The following RPS6KC1 variants were observed in gnomAD, a reference collection of about 807,000 sequenced individuals.
RPS6KC1 encodes inactive ribosomal protein S6 kinase delta-1.
In RPS6KC1, 54 loss-of-function variants were observed where a neutral mutation model predicts 103.8. That is an observed-to-expected ratio of 0.52 (90% CI 0.42 to 0.65). RPS6KC1 has a LOEUF of 0.65. Ranked by LOEUF, RPS6KC1 falls within the 30% of genes least tolerant of loss-of-function variation. The pLI is 0.00. For synonymous variants in RPS6KC1, 439 were observed against 438.7 expected, an observed-to-expected ratio of 1.00 and a Z score of -0.01; for missense variants, 1,151 against 1,253.8, an observed-to-expected ratio of 0.92 and a Z score of 1.24.
the RPS6KC1 span, among the ~76,000 whole-genome samples, chr1:213,588,586 A>C: frequency 6.6e-6 from 1 of 152,228 alleles, no homozygotes; most frequent in African/African-American, 2.4e-5. Context: ...GGCGTGAGAC[A>C]CCATGCCCGG....
At chr1:213,098,097 C>T (rs1197380780) in intron 3 of RPS6KC1, among the ~76,000 whole-genome samples, 2 of 152,124 alleles carry the variant, frequency 1.3e-5, no homozygotes, top group Non-Finnish European at 2.9e-5. Context: ...TGCAAGAGGC[C>T]TAACTTTCAA....
chr1:213,643,163 A>G, the RPS6KC1 span, among the ~76,000 whole-genome samples: 3 of 152,052 alleles, frequency 2.0e-5, no homozygotes, highest in African/African-American at 7.2e-5. Context: ...GGCATTTAAT[A>G]TTCTTTCATA....
the RPS6KC1 span, among the ~76,000 whole-genome samples, chr1:213,668,862 A>C: frequency 6.6e-6 from 1 of 152,168 alleles, no homozygotes; most frequent in Non-Finnish European, 1.5e-5. Flanking sequence ...AAGACAGCTT[A>C]TTTCCTTAAC....
At chr1:213,821,722 C>G in the RPS6KC1 span, 1 of 152,230 alleles carries the variant, frequency 6.6e-6, no homozygotes, top group Non-Finnish European at 1.5e-5. Flanking sequence ...TCCAGCTGTT[C>G]CCTCCAGGGC....
At chr1:213,508,161 A>T in the RPS6KC1 span, among the ~76,000 whole-genome samples, 4 of 152,150 alleles carry the variant, frequency 2.6e-5, no homozygotes, top group African/African-American at 9.7e-5. Flanking sequence ...AAATCTATTA[A>T]ATTTTTCATT....
At chr1:213,609,519 A>C in the RPS6KC1 span, among the ~76,000 whole-genome samples, 3 of 152,218 alleles carry the variant, frequency 2.0e-5, no homozygotes, top group South Asian at 6.2e-4. Context: ...CAACAGCACA[A>C]TCACCCTCAC....
At chr1:213,141,257 T>G (rs1210070974) in intron 6 of RPS6KC1, among the ~76,000 whole-genome samples, 1 of 151,994 alleles carries the variant, frequency 6.6e-6, no homozygotes, top group African/African-American at 2.4e-5. Flanking sequence ...TCCAGGGCCT[T>G]CTGTTTGGTA....
chr1:213,523,985 G>A, the RPS6KC1 span, among the ~76,000 whole-genome samples: 1 of 152,110 alleles, frequency 6.6e-6, no homozygotes, highest in Non-Finnish European at 1.5e-5. Context: ...ACAAAGTCAC[G>A]GCGGGAGGCT....
At chr1:213,562,984 C>G in the RPS6KC1 span, among the ~76,000 whole-genome samples, 1 of 152,094 alleles carries the variant, frequency 6.6e-6, no homozygotes, top group African/African-American at 2.4e-5. Flanking sequence ...CTTTGTATGT[C>G]TTTAAAGTTT....
the RPS6KC1 span, among the ~76,000 whole-genome samples, chr1:213,363,702 CCTTCTTTCT>C: frequency 1.7e-5 from 1 of 58,822 alleles, no homozygotes. Context: ...TTCTTTCTTT[CCTTCTTTCT>C]TTCTTTCTTT....
At chr1:213,602,038 T>TTCTTTCTTTCTTTCTTTC in the RPS6KC1 span, among the ~76,000 whole-genome samples, 44 of 26,548 alleles carry the variant, frequency 1.7e-3, 9 homozygotes, top group African/African-American at 3.0e-3. Context: ...CTCTTTCTCT[T>TTCTTTCTTTCTTTCTTTC]TCTTTCTTTC....
intron 12 of RPS6KC1, among the ~76,000 whole-genome samples, chr1:213,245,107 C>T (rs1289972519): frequency 1.3e-5 from 2 of 152,098 alleles, no homozygotes; most frequent in East Asian, 1.9e-4. Flanking sequence ...TCTATGTGCT[C>T]GTACCCCTTA....
the RPS6KC1 span, among the ~76,000 whole-genome samples, chr1:213,305,581 G>A: frequency 1.3e-5 from 2 of 152,214 alleles, no homozygotes; most frequent in Admixed American, 1.3e-4. Context: ...TCAGTGGAAG[G>A]GAGATGGTGC....
chr1:213,320,735 T>TG, the RPS6KC1 span, among the ~76,000 whole-genome samples: 2 of 152,156 alleles, frequency 1.3e-5, no homozygotes, highest in African/African-American at 4.8e-5. Context: ...ATAAGACTCA[T>TG]GGGGGTAGAG....
chr1:213,692,684 C>G, the RPS6KC1 span, among the ~76,000 whole-genome samples: 1 of 152,150 alleles, frequency 6.6e-6, no homozygotes, highest in Non-Finnish European at 1.5e-5. Context: ...AGTCGACTGT[C>G]CCTAGAAGGT....
At chr1:213,563,195 T>C in the RPS6KC1 span, among the ~76,000 whole-genome samples, 1 of 152,208 alleles carries the variant, frequency 6.6e-6, no homozygotes, top group Non-Finnish European at 1.5e-5. Flanking sequence ...TCCTGATAAA[T>C]TGTCCTTTTT....
the RPS6KC1 span, among the ~76,000 whole-genome samples, chr1:213,517,517 C>G: frequency 1.3e-5 from 2 of 152,100 alleles, no homozygotes; most frequent in African/African-American, 2.4e-5. Flanking sequence ...AGGTTGTTCA[C>G]TTTCCATGTA....
the RPS6KC1 span, among the ~76,000 whole-genome samples, chr1:213,325,540 T>C: frequency 6.6e-6 from 1 of 152,240 alleles, no homozygotes; most frequent in East Asian, 1.9e-4. Flanking sequence ...TCCCTCCTTC[T>C]AGAGTTCTCT....
At chr1:213,115,532 G>T (rs1182982842) in intron 4 of RPS6KC1, among the ~76,000 whole-genome samples, 1 of 152,042 alleles carries the variant, frequency 6.6e-6, no homozygotes, top group African/African-American at 2.4e-5. Flanking sequence ...TTTTTGAAGG[G>T]TTTTTTGTAT....
Sources: allele counts gnomAD v4.1 joint callset (sites outside exome capture counted in the v4.1 genomes callset), GRCh38; gene constraint gnomAD v4.1.1; transcripts MANE v1.5; gene names NCBI Gene and HGNC (gene_info 2026-07-23, HGNC 2026-07-21).